Variants in ANK3 observed in about 807,000 individuals in gnomAD.
The protein encoded by ANK3 is ankyrin 3, also known as ankyrin-3.
Under a neutral mutation model 370.9 loss-of-function variants are expected in ANK3, and 57 were observed. The ratio of observed to expected loss-of-function variants is 0.15; its 90% confidence interval spans 0.12 to 0.19. ANK3 has a LOEUF of 0.19. Ranked by LOEUF, ANK3 falls within the 10% of genes least tolerant of loss-of-function variation. The pLI, the probability that ANK3 is intolerant of heterozygous loss-of-function variation, is 1.00. For missense variants in ANK3, 4,439 were observed against 5,302.1 expected (o/e 0.84, Z 5.06); for synonymous variants, 1,929 against 1,946.3 (o/e 0.99, Z 0.23).
At chr10:60,187,329 G>A (rs1449975591) in intron 16 of ANK3, among the ~76,000 whole-genome samples, 2 of 151,714 alleles carry the variant, frequency 1.3e-5, no homozygotes, top group Admixed American at 1.3e-4. Flanking sequence ...CTAATTTTTT[G>A]TATTTTTAGT....
intron 1 of ANK3, among the ~76,000 whole-genome samples, chr10:60,666,798 C>T (rs2079002436): frequency 6.6e-6 from 1 of 152,158 alleles, no homozygotes; most frequent in Non-Finnish European, 1.5e-5. Flanking sequence ...GCATTTCCTT[C>T]AGGGTGCCTA....
chr10:60,590,427 G>T (rs2077893169), intron 2 of ANK3, among the ~76,000 whole-genome samples: 1 of 151,992 alleles, frequency 6.6e-6, no homozygotes, highest in Admixed American at 6.6e-5. Context: ...TCTTTATGAG[G>T]CTATTTGGGA....
At chr10:60,082,210 A>C in intron 34 of ANK3, 34 bp from the exon 35 acceptor site, 2 of 1,574,232 alleles carry the variant, frequency 1.3e-6, no homozygotes, top group Non-Finnish European at 1.7e-6. Flanking sequence ...AGAGACAAGG[A>C]ATATTATAAT....
Position 60,075,240 on chromosome 10 carries a change from A to G in ANK3, c.5641T>C (p.Phe1881Leu), listed in dbSNP as rs1253452400. The part of the protein sequence containing the change: ...RTSSPVKSSL[F>L]LAPSALKLST... ...AACTTAAGGGCAGAGGGTGCAAGGA[A>G]CAAAGATGACTTAACTGGAGATGAA... Residue 1881 changes from phenylalanine to leucine, a missense_variant, in exon 37 of 44, where the codon TTC becomes CTC. Transcript: ENST00000280772. The G allele has an allele frequency of 1.2e-6, 2 of 1,614,230 alleles. No homozygotes were observed. Among genetic ancestry groups the G allele is most frequent in the African/African-American group, 2.7e-5 (2 of 75,072 alleles).
At chr10:60,668,190 C>T (rs975631403) in intron 1 of ANK3, among the ~76,000 whole-genome samples, 1 of 151,488 alleles carries the variant, frequency 6.6e-6, no homozygotes, top group African/African-American at 2.5e-5. Flanking sequence ...CACCCTCCCC[C>T]ACAGCAGGAT....
Position 60,555,316 on chromosome 10 carries a change from T to A in ANK3, c.96+59870A>T, listed in dbSNP as rs566544792. On this transcript the variant is annotated intron_variant, in intron 2 of 43. Transcript: ENST00000373827. ...GTGAGACTCCCATCTCTATAAAAAA[T>A]TTTAAAATTAGCTGGATGTGGTGGT... is the stretch of plus-strand genomic sequence containing the variant. Among the ~76,000 whole-genome samples, 4 of 151,854 alleles carry A rather than the reference T, an allele frequency of 2.6e-5. No homozygotes were observed. In the South Asian group the frequency reaches 8.3e-4, roughly 32 times the overall value.
intron 1 of ANK3, among the ~76,000 whole-genome samples, chr10:60,695,336 G>T (rs1296540777): frequency 2.0e-5 from 3 of 152,068 alleles, no homozygotes; most frequent in Admixed American, 6.5e-5. Context: ...ACATTAGACA[G>T]ATCAACGAGA....
rs569496538 is a variant in ANK3 at position 60,073,572 on chromosome 10, T to C, written c.7309A>G (p.Thr2437Ala). The change falls in exon 37 of 44, where the codon ACA becomes GCA. Residue 2437 changes from threonine to alanine, a missense_variant. Thr to Ala is a moderately conservative substitution (Grantham distance 58). This residue lies in a region of ANK3 where 1,601 missense variants were observed against 1,731.7 expected (regional missense o/e 0.92). Transcript: ENST00000280772. ...AQLISDDSYK[T>A]LKLLSQHSIE... ...GAGTGTTGACTCAAAAGCTTCAATG[T>C]TTTATAAGAGTCATCAGATATGAGT... The C allele has an allele frequency of 6.2e-7, 1 of 1,614,076 alleles. No homozygotes were observed. The highest frequency in any genetic ancestry group is 1.7e-5 in the Admixed American group (1 of 60,010).
intron 2 of ANK3, among the ~76,000 whole-genome samples, chr10:60,519,341 G>GA (rs1162808280): frequency 6.6e-6 from 1 of 152,060 alleles, no homozygotes; most frequent in African/African-American, 2.4e-5. Flanking sequence ...GGTGTCACAG[G>GA]AAAAATCCAT....
intron 1 of ANK3, among the ~76,000 whole-genome samples, chr10:60,387,789 C>T (rs981169450): frequency 6.6e-6 from 1 of 152,170 alleles, no homozygotes; most frequent in Non-Finnish European, 1.5e-5. Flanking sequence ...CTGCCTCACC[C>T]CTTCCCTATT....
At chr10:60,643,208 A>G (rs988504988) in intron 1 of ANK3, among the ~76,000 whole-genome samples, 2 of 152,150 alleles carry the variant, frequency 1.3e-5, no homozygotes, top group African/African-American at 4.8e-5. Context: ...CCAAAGGAGA[A>G]TAACATTTGA....
chr10:60,504,487 C>T (rs1375035857), intron 2 of ANK3, among the ~76,000 whole-genome samples: 4 of 151,950 alleles, frequency 2.6e-5, no homozygotes, highest in Non-Finnish European at 4.4e-5. Context: ...GCTTTTTTCC[C>T]CCCCAGAATG....
intron 38 of ANK3, 22 bp downstream of exon 38, chr10:60,067,913 A>G: frequency 6.3e-7 from 1 of 1,584,092 alleles, no homozygotes; most frequent in Non-Finnish European, 8.6e-7. Context: ...AATTTGTTCC[A>G]TTCAGGAGTG....
At chr10:60,226,441 C>A (rs2097145412) in intron 8 of ANK3, among the ~76,000 whole-genome samples, 2 of 107,258 alleles carry the variant, frequency 1.9e-5, no homozygotes, top group Admixed American at 1.1e-4. Flanking sequence ...TAATATATAA[C>A]ATACTATAAA....
chr10:60,525,835 A>G (rs1375135716), intron 2 of ANK3, among the ~76,000 whole-genome samples: 1 of 152,142 alleles, frequency 6.6e-6, no homozygotes, highest in East Asian at 1.9e-4. Context: ...AGCACCTGGC[A>G]AATGCTAATT....
intron 1 of ANK3, among the ~76,000 whole-genome samples, chr10:60,729,041 C>T (rs2079983890): frequency 6.6e-6 from 1 of 152,198 alleles, no homozygotes; most frequent in African/African-American, 2.4e-5. Flanking sequence ...AAACCCCATG[C>T]TTTCACTGTG....
chr10:60,478,113 T>A (rs192513849), intron 2 of ANK3, among the ~76,000 whole-genome samples: 1 of 152,110 alleles, frequency 6.6e-6, no homozygotes, highest in African/African-American at 2.4e-5. Flanking sequence ...TTCAAAGAGA[T>A]GAATTTCTTT....
At chr10:60,585,905 T>A (rs1056474526) in intron 2 of ANK3, among the ~76,000 whole-genome samples, 3 of 152,072 alleles carry the variant, frequency 2.0e-5, no homozygotes, top group African/African-American at 7.2e-5. Context: ...GTACCTGTAA[T>A]CCCAGCTACT....
At chr10:60,289,077 T>C (rs957122017) in intron 1 of ANK3, among the ~76,000 whole-genome samples, 1 of 152,026 alleles carries the variant, frequency 6.6e-6, no homozygotes, top group Non-Finnish European at 1.5e-5. Flanking sequence ...TATGGTTGTA[T>C]GTGACAATGT....
Sources: allele counts gnomAD v4.1 joint callset (sites outside exome capture counted in the v4.1 genomes callset), GRCh38; gene constraint gnomAD v4.1.1; regional missense constraint gnomAD v4.1.1; transcripts MANE v1.5; gene names NCBI Gene and HGNC (gene_info 2026-07-23, HGNC 2026-07-21).